STIMATE: variants seen among roughly 807,000 people sequenced by gnomAD.
STIMATE encodes the protein STIM activating enhancer.
STIMATE carries 15 observed loss-of-function variants against 36.7 expected under a neutral mutation model. The ratio of observed to expected loss-of-function variants is 0.41; its 90% CI spans 0.27 to 0.63. The LOEUF (loss-of-function observed/expected upper bound fraction) is 0.63. Among genes scored for constraint, STIMATE ranks in the 20% least tolerant of loss-of-function variants. The pLI is 0.32. For synonymous variants in STIMATE, 163 were observed against 162.3 expected, an observed-to-expected ratio of 1.00 and a Z score of -0.03; for missense variants, 305 against 397.3, an observed-to-expected ratio of 0.77 and a Z score of 1.98.
chr3:52,870,651 C>G (rs1701386587), intron 1 of STIMATE, among the ~76,000 whole-genome samples: 1 of 152,154 alleles, frequency 6.6e-6, no homozygotes. Context: ...GCTGCGCGGG[C>G]AGGGTGGCCC....
chr3:52,894,044 G>A (rs1423613767), intron 1 of STIMATE, among the ~76,000 whole-genome samples: 1 of 152,170 alleles, frequency 6.6e-6, no homozygotes, highest in Non-Finnish European at 1.5e-5. Context: ...GAGCAACTTT[G>A]TCAAGTCACA....
At chr3:52,849,740 A>G (rs1700965566) in intron 4 of STIMATE, 52 bp downstream of exon 4, 1 of 1,579,434 alleles carries the variant, frequency 6.3e-7, no homozygotes, top group Non-Finnish European at 8.6e-7. Flanking sequence ...GGCAAGGAGC[A>G]GAGACCTCCA....
chr3:52,844,427 G>A (rs1022362693), intron 5 of STIMATE, among the ~76,000 whole-genome samples: 2 of 152,314 alleles, frequency 1.3e-5, no homozygotes, highest in South Asian at 2.1e-4. Context: ...CCAGGGCATC[G>A]GCACACTGAA....
chr3:52,865,521 T>C (rs990249628), intron 1 of STIMATE, among the ~76,000 whole-genome samples: 3 of 152,176 alleles, frequency 2.0e-5, no homozygotes, highest in Admixed American at 1.3e-4. Flanking sequence ...ACTTTTTATA[T>C]GGCGGCGGCA....
At position 52,842,767 on chromosome 3, in the gene STIMATE, G is replaced by A. The variant is rs757005537; in HGVS notation, c.768+44C>T. 1.1e-5 allele frequency: 17 copies of A among 1,612,044 alleles called. No individual in the cohort carries two copies. In the African/African-American group the frequency reaches 1.6e-4, roughly 15 times the overall value. ...TGAGACCAGAGACCCCCTTGGGCCA[G>A]CGATACGACGGCTTGGGCCCTTGGA... On this transcript the variant is annotated intron_variant, in intron 7 of 7. Coordinates refer to ENST00000355083, the MANE Select transcript of STIMATE (RefSeq NM_198563.5).
At chr3:52,844,724 T>A in intron 5 of STIMATE, 105 bp downstream of exon 5, 5 of 1,186,048 alleles carry the variant, frequency 4.2e-6, no homozygotes, top group Non-Finnish European at 5.7e-6. Context: ...ATTCATAGAG[T>A]TAAAACAAGT....
chr3:52,846,375 G>T (rs1700901981), intron 4 of STIMATE: 2 of 152,222 alleles, frequency 1.3e-5, no homozygotes, highest in Non-Finnish European at 2.9e-5. Flanking sequence ...CAAAACAACA[G>T]ATGAACTTAT....
intron 2 of STIMATE, among the ~76,000 whole-genome samples, chr3:52,855,090 G>C (rs1701070682): frequency 6.6e-6 from 1 of 152,112 alleles, no homozygotes; most frequent in Non-Finnish European, 1.5e-5. Context: ...TCTAACAACA[G>C]GTAGACATAG....
At chr3:52,880,218 A>C (rs1400743826) in intron 1 of STIMATE, among the ~76,000 whole-genome samples, 1 of 152,152 alleles carries the variant, frequency 6.6e-6, no homozygotes, top group Non-Finnish European at 1.5e-5. Flanking sequence ...AACGGTGTGC[A>C]TCAAGAGAGT....
Position 52,862,400 on chromosome 3 carries a change from TCTGTG to T in STIMATE, c.161-6961_161-6957del, listed in dbSNP as rs1701233247. Among the ~76,000 whole-genome samples, 9 of 152,320 alleles carry T rather than the reference TCTGTG, an allele frequency of 5.9e-5. No homozygotes were observed. In the South Asian group the frequency reaches 1.9e-3, roughly 32 times the overall value. ...CACTCCACCAGCACTGAGCACTTAC[TCTGTG>T]CTGGGGATACAGTAATGGACAATAC... is the stretch of plus-strand genomic sequence containing the variant. On this transcript the variant is annotated intron_variant, in intron 1 of 7. Transcript: ENST00000355083.
At chr3:52,878,219 G>A (rs983304932) in intron 1 of STIMATE, among the ~76,000 whole-genome samples, 2 of 151,540 alleles carry the variant, frequency 1.3e-5, no homozygotes, top group Non-Finnish European at 2.9e-5. Context: ...GTCATGAGAG[G>A]CAAGGGACCA....
intron 7 of STIMATE, among the ~76,000 whole-genome samples, chr3:52,840,985 C>T (rs1700788218): frequency 1.3e-5 from 2 of 152,142 alleles, no homozygotes; most frequent in South Asian, 2.1e-4. Flanking sequence ...GGATTACAGG[C>T]GTGAGCCACC....
intron 1 of STIMATE, among the ~76,000 whole-genome samples, chr3:52,856,736 G>A (rs1701105080): frequency 6.6e-6 from 1 of 152,168 alleles, no homozygotes; most frequent in South Asian, 2.1e-4. Flanking sequence ...GCAGACAGTG[G>A]ATGTCTGGGC....
chr3:52,860,127 A>T (rs1575334134), intron 1 of STIMATE, among the ~76,000 whole-genome samples: 2 of 9,054 alleles, frequency 2.2e-4, no homozygotes, highest in South Asian at 8.8e-3. Context: ...TAAAGGGGGT[A>T]AAAAAAAAAA....
At position 52,839,108 on chromosome 3, in the gene STIMATE, TGAG is replaced by T. The variant is rs1700754474; in HGVS notation, c.*1383_*1385del. On this transcript the variant is annotated 3_prime_UTR_variant, in exon 8 of 8. Coordinates refer to ENST00000355083, the MANE Select transcript of STIMATE (RefSeq NM_198563.5). ...AAACCACAGGGGCCTGTGGCCATGC[TGAG>T]GAGTAGTGACCATTCCCCAGGGAGG... 1 of 152,194 alleles carries T rather than the reference TGAG, an allele frequency of 6.6e-6. No homozygotes were observed. The highest frequency in any genetic ancestry group is 2.1e-4 in the South Asian group (1 of 4,826). 9.4% of individuals were successfully genotyped at this position (152,194 alleles called of 1,614,324 possible).
At chr3:52,888,755 A>T (rs1701734247) in intron 1 of STIMATE, among the ~76,000 whole-genome samples, 1 of 152,254 alleles carries the variant, frequency 6.6e-6, no homozygotes, top group Non-Finnish European at 1.5e-5. Context: ...TGTGTGAAAA[A>T]GCAGAGTTGG....
chr3:52,884,937 T>C (rs1296038152), intron 1 of STIMATE, among the ~76,000 whole-genome samples: 2 of 152,164 alleles, frequency 1.3e-5, no homozygotes, highest in Non-Finnish European at 2.9e-5. Context: ...TCTCGAGGGG[T>C]GAAACTGCTG....
rs565603523 is a variant in STIMATE, at chr3:52,843,834, G to A, written c.541-36C>T. The A allele has an allele frequency of 2.9e-5, 46 of 1,611,976 alleles. 2 individuals carry two copies. In the South Asian group the frequency reaches 4.7e-4, roughly 17 times the overall value. ...AAGCAGACTCAGTGAGGTAGGGAGA[G>A]GCCACCGAGAGTGTGCCTGGGGTGG... On this transcript the variant is annotated intron_variant, in intron 5 of 7. Transcript: ENST00000355083.
chr3:52,842,723 G>A, intron 7 of STIMATE, 88 bp downstream of exon 7: 1 of 1,583,818 alleles, frequency 6.3e-7, no homozygotes, highest in South Asian at 1.1e-5. Flanking sequence ...TGCACTCAAG[G>A]GAAGAACATA....
Sources: gnomAD v4.1 joint callset for allele counts (sites outside exome capture counted in the v4.1 genomes callset) on GRCh38, gnomAD v4.1.1 for gene constraint, MANE v1.5 for transcripts, NCBI Gene and HGNC (gene_info 2026-07-23, HGNC 2026-07-21) for gene names.